The following NKAIN3 variants were observed in gnomAD, a reference collection of about 807,000 sequenced individuals.
NKAIN3 encodes the protein sodium/potassium transporting ATPase interacting 3.
In NKAIN3, 25 loss-of-function variants were observed where a neutral mutation model predicts 30.2. The observed-to-expected ratio is 0.83, with a 90% CI of 0.60 to 1.16. NKAIN3 has a LOEUF of 1.16. Among genes scored for constraint, NKAIN3 ranks in the 50% most tolerant of loss-of-function variants. The pLI is 0.00. For synonymous variants in NKAIN3, 91 were observed against 89.6 expected, an observed-to-expected ratio of 1.02 and a Z score of -0.09; for missense variants, 225 against 254.1, an observed-to-expected ratio of 0.89 and a Z score of 0.78.
At chr8:62,499,503 A>G (rs1442186426) in intron 1 of NKAIN3, among the ~76,000 whole-genome samples, 1 of 152,128 alleles carries the variant, frequency 6.6e-6, no homozygotes, top group Non-Finnish European at 1.5e-5. Context: ...GAAGTATTTC[A>G]CCGAAGGTCT....
intron 1 of NKAIN3, among the ~76,000 whole-genome samples, chr8:62,411,473 A>T (rs1804235163): frequency 6.6e-6 from 1 of 152,148 alleles, no homozygotes; most frequent in Non-Finnish European, 1.5e-5. Flanking sequence ...GGAACCATTC[A>T]TTCCTCTTGA....
At chr8:62,810,180 C>A (rs143748601) in intron 4 of NKAIN3, among the ~76,000 whole-genome samples, 1 of 151,942 alleles carries the variant, frequency 6.6e-6, no homozygotes, top group Non-Finnish European at 1.5e-5. Flanking sequence ...CTTAGCTGCA[C>A]GTTGAGAAAT....
rs563952079 is a variant in NKAIN3 at position 62,641,963 on chromosome 8, G to A, written c.273+52169G>A. Among the ~76,000 whole-genome samples, 7 of 152,100 alleles carry A rather than the reference G, an allele frequency of 4.6e-5. No individual in the cohort carries two copies. The South Asian group carries it at 8.3e-4, about 18-fold the overall frequency. ...GAGGCCCTTATTGACTGCCCAGAGT[G>A]GTGGGTCACAAGGTAACATGTTCTG... On this transcript the variant is annotated intron_variant, in intron 3 of 6. Transcript: ENST00000623646.
At chr8:62,900,311 C>T (rs572039247) in intron 4 of NKAIN3, among the ~76,000 whole-genome samples, 4 of 152,264 alleles carry the variant, frequency 2.6e-5, no homozygotes, top group East Asian at 3.9e-4. Context: ...TAGTGAGCAA[C>T]GTGTGGAGGT....
At chr8:62,287,349 C>T (rs758854008) in intron 1 of NKAIN3, among the ~76,000 whole-genome samples, 3 of 151,906 alleles carry the variant, frequency 2.0e-5, no homozygotes, top group Non-Finnish European at 2.9e-5. Flanking sequence ...GTTTGGGTTA[C>T]GCTGACCTCA....
chr8:62,791,801 C>G (rs962957221), intron 4 of NKAIN3, among the ~76,000 whole-genome samples: 3 of 152,060 alleles, frequency 2.0e-5, no homozygotes, highest in African/African-American at 7.2e-5. Context: ...AAATTAACAG[C>G]ACTACCTTAC....
Position 62,746,988 on chromosome 8 carries a change from T to G in NKAIN3, c.330T>G (p.His110Gln), listed in dbSNP as rs771339085. The change falls in exon 4 of 7, where the codon CAT becomes CAG. Residue 110 changes from histidine (H) to glutamine (Q), a missense_variant. Physicochemically the swap from His to Gln is conservative, Grantham distance 24 (BLOSUM62 0). Coordinates refer to ENST00000623646, the MANE Select transcript of NKAIN3 (RefSeq NM_001304533.3). ...TACATCGGTCATGGTGGAGAGAACATGGGCCTGGTTGTGTCAGAAGAGTGC... is the reference window on the plus strand; with the variant it reads ...TACATCGGTCATGGTGGAGAGAACAGGGGCCTGGTTGTGTCAGAAGAGTGC... ...ISVHRSWWRE[H>Q]GPGCVRRVLP... The G allele has an allele frequency of 1.2e-6, 2 of 1,613,900 alleles. No individual in the cohort carries two copies. The highest frequency in any genetic ancestry group is 1.7e-6 in the Non-Finnish European group (2 of 1,179,816).
chr8:62,500,461 GAAAGAA>G (rs768025407), intron 1 of NKAIN3, among the ~76,000 whole-genome samples: 40 of 123,600 alleles, frequency 3.2e-4, no homozygotes, highest in Non-Finnish European at 5.8e-4. Flanking sequence ...AAGAAAGAAA[GAAAGAA>G]AGAAAGAAAG....
chr8:62,750,226 G>T (rs915594684), intron 4 of NKAIN3, among the ~76,000 whole-genome samples: 3 of 151,960 alleles, frequency 2.0e-5, no homozygotes, highest in Non-Finnish European at 4.4e-5. Context: ...AATAACCTAG[G>T]GGAGGGACTG....
At chr8:62,611,732 C>T (rs752382285) in intron 3 of NKAIN3, among the ~76,000 whole-genome samples, 1 of 152,080 alleles carries the variant, frequency 6.6e-6, no homozygotes, top group Non-Finnish European at 1.5e-5. Flanking sequence ...CACTTTTAAA[C>T]AGTGGGGCAA....
At chr8:62,855,576 C>A (rs1360422100) in intron 4 of NKAIN3, 19 of 1,579,708 alleles carry the variant, frequency 1.2e-5, no homozygotes, top group Non-Finnish European at 1.5e-5. Context: ...TTATTCATTG[C>A]TTCAACCTTG....
chr8:62,318,385 G>A (rs1016685300), intron 1 of NKAIN3, among the ~76,000 whole-genome samples: 17 of 152,158 alleles, frequency 1.1e-4, no homozygotes, highest in Admixed American at 8.5e-4. Context: ...AGCTTTCAAA[G>A]GGAATGCTTC....
intron 1 of NKAIN3, among the ~76,000 whole-genome samples, chr8:62,549,982 A>T (rs1358456879): frequency 6.7e-6 from 1 of 150,054 alleles, no homozygotes; most frequent in African/African-American, 2.5e-5. Flanking sequence ...GTTTATTCAA[A>T]AAATGGCTAT....
intron 4 of NKAIN3, among the ~76,000 whole-genome samples, chr8:62,777,712 G>T (rs192363206): frequency 3.3e-5 from 5 of 152,082 alleles, no homozygotes; most frequent in African/African-American, 1.2e-4. Context: ...TATTTAGTCT[G>T]TTTGGTAAGG....
chr8:62,361,324 T>G (rs932394647), intron 1 of NKAIN3, among the ~76,000 whole-genome samples: 1 of 152,250 alleles, frequency 6.6e-6, no homozygotes, highest in Non-Finnish European at 1.5e-5. Context: ...GCCTTTGAAG[T>G]TTATATTTGA....
At position 62,622,738 on chromosome 8, in the gene NKAIN3, T is replaced by G. The variant is rs552796256; in HGVS notation, c.273+32944T>G. Among the ~76,000 whole-genome samples the G allele has an allele frequency of 2.0e-5, 3 of 152,122 alleles. No individual in the cohort carries two copies. The East Asian group carries it at 5.8e-4, about 29-fold the overall frequency. ...GTGTGTAGCTTGTTTTTTCATCCTC[T>G]TAACAGGGCCTGTCACAGAGAAAAT... On this transcript the variant is annotated intron_variant, in intron 3 of 6. Transcript: ENST00000623646.
intron 5 of NKAIN3, among the ~76,000 whole-genome samples, chr8:62,994,158 T>A (rs1425725856): frequency 2.0e-5 from 3 of 152,218 alleles, no homozygotes; most frequent in Non-Finnish European, 1.5e-5. Flanking sequence ...AAAAAAGTCA[T>A]TCACTGCTTT....
chr8:62,338,676 GGA>G (rs1815644059), intron 1 of NKAIN3, among the ~76,000 whole-genome samples: 2 of 151,962 alleles, frequency 1.3e-5, no homozygotes, highest in African/African-American at 2.4e-5. Context: ...TGCAAGCTGA[GGA>G]GCAAAGAAAG....
chr8:62,557,156 G>A (rs1366494987), intron 1 of NKAIN3, among the ~76,000 whole-genome samples: 1 of 152,004 alleles, frequency 6.6e-6, no homozygotes, highest in Non-Finnish European at 1.5e-5. Context: ...GAGAACATAT[G>A]ATGTTTGGTT....
Sources: allele counts gnomAD v4.1 joint callset (sites outside exome capture counted in the v4.1 genomes callset), GRCh38; gene constraint gnomAD v4.1.1; transcripts MANE v1.5; gene names NCBI Gene and HGNC (gene_info 2026-07-23, HGNC 2026-07-21).